The following SAMD8 variants were observed in gnomAD, a reference collection of about 807,000 sequenced individuals.
SAMD8 encodes sphingomyelin synthase-related protein 1.
A neutral mutation model predicts 42.0 loss-of-function variants in SAMD8; 20 were observed. That is an observed-to-expected ratio of 0.48 (90% CI 0.34 to 0.69). The LOEUF (loss-of-function observed/expected upper bound fraction) is 0.69. Among genes scored for constraint, SAMD8 ranks in the 30% least tolerant of loss-of-function variants. The probability of loss-of-function intolerance (pLI) is 0.01; values close to 1 mark genes in which losing one functional copy is unlikely to be tolerated. For synonymous variants in SAMD8, 162 were observed against 173.0 expected (o/e 0.94, Z 0.50); for missense variants, 328 against 511.6 (o/e 0.64, Z 3.46).
intron 4 of SAMD8, among the ~76,000 whole-genome samples, chr10:75,174,249 C>T (rs1277906469): frequency 2.0e-5 from 3 of 152,046 alleles, no homozygotes; most frequent in Non-Finnish European, 4.4e-5. Flanking sequence ...TCTGCCTCAG[C>T]CTCCCGAGTA....
Position 75,111,708 on chromosome 10 carries a change from A to G in SAMD8, c.-30A>G, listed in dbSNP as rs891987808. On this transcript the variant is annotated 5_prime_UTR_variant, in exon 1 of 6. Coordinates refer to ENST00000542569, the MANE Select transcript of SAMD8 (RefSeq NM_001174156.2). ...CTCGGAGGTGGGTCCGGGGAGCCCG[A>G]CTCGGACCGCGGAGGTGAGCGGGAG... is the stretch of plus-strand genomic sequence containing the variant. The G allele has an allele frequency of 1.0e-4, 127 of 1,234,120 alleles. No individual in the cohort carries two copies. Among genetic ancestry groups the G allele is most frequent in the South Asian group, 4.4e-4 (11 of 25,158 alleles). 76.4% of individuals were successfully genotyped at this position (1,234,120 alleles called of 1,614,324 possible). A position where few individuals can be genotyped will look rare whatever the true frequency, so the allele number is the denominator to read the frequency against.
chr10:75,121,184 C>T (rs1848997678), intron 1 of SAMD8, among the ~76,000 whole-genome samples: 1 of 152,128 alleles, frequency 6.6e-6, no homozygotes, highest in South Asian at 2.1e-4. Context: ...AGTAGGAATT[C>T]TCCTCATTTT....
chr10:75,125,363 A>C (rs1849107171), intron 1 of SAMD8: 1 of 152,350 alleles, frequency 6.6e-6, no homozygotes, highest in Non-Finnish European at 1.5e-5. Context: ...CTGTAATCCC[A>C]GCATTTTGGG....
rs1841002415 is a variant in SAMD8 at position 75,176,901 on chromosome 10, G to A, written c.*209G>A. 2.0e-6 allele frequency: 1 copy of A among 496,366 alleles called. No homozygotes were observed. Among genetic ancestry groups the A allele is most frequent in the Non-Finnish European group, 3.5e-6 (1 of 283,616 alleles). 30.7% of individuals were successfully genotyped at this position (496,366 alleles called of 1,614,324 possible). A position where few individuals can be genotyped will look rare whatever the true frequency, so the allele number is the denominator to read the frequency against. On this transcript the variant is annotated 3_prime_UTR_variant, in exon 6 of 6. Transcript: ENST00000542569. The surrounding 1 kb of genome is among the most constrained non-coding windows in gnomAD (Gnocchi z 4.3). Reference sequence around the variant, plus strand: ...GCTATTTGAACAGAAAGCTTAAGTAGATGTTTTCTGCCCCTTCTCTTTAGG... The same window carrying A: ...GCTATTTGAACAGAAAGCTTAAGTAAATGTTTTCTGCCCCTTCTCTTTAGG...
chr10:75,149,637 T>G (rs1241609521), intron 1 of SAMD8, among the ~76,000 whole-genome samples: 2 of 152,226 alleles, frequency 1.3e-5, no homozygotes, highest in African/African-American at 4.8e-5. Flanking sequence ...TACAGTTATC[T>G]ACTTTCCTTT....
At chr10:75,134,740 T>C (rs568358947) in intron 1 of SAMD8, among the ~76,000 whole-genome samples, 20 of 152,200 alleles carry the variant, frequency 1.3e-4, no homozygotes, top group Admixed American at 5.2e-4. Context: ...AGCTAGAAGA[T>C]TTTGAATGTT....
At chr10:75,167,864 A>G (rs1840728089) in intron 3 of SAMD8, among the ~76,000 whole-genome samples, 1 of 152,222 alleles carries the variant, frequency 6.6e-6, no homozygotes, top group East Asian at 1.9e-4. Context: ...AAGGGCTGCA[A>G]TTACAAGCAT....
In SAMD8 at chr10:75,164,628, A is replaced by T; in HGVS notation, c.579-17A>T. ...ATGTATACTTCTTCAATTCAAAATC[A>T]TTTTTTTCTGTTCCAGCGTTCCTAG... On this transcript the variant is annotated splice_polypyrimidine_tract_variant and intron_variant, in intron 2 of 5. Transcript: ENST00000542569. 2 of 1,611,302 alleles carry T rather than the reference A, an allele frequency of 1.2e-6. No homozygotes were observed. The highest frequency in any genetic ancestry group is 1.7e-6 in the Non-Finnish European group (2 of 1,177,948).
chr10:75,179,033 C>T lies in SAMD8; in HGVS notation c.*2341C>T, dbSNP rs558203115. 6.4e-4 allele frequency: 96 copies of T among 149,570 alleles called. No homozygotes were observed. The highest frequency in any genetic ancestry group is 8.7e-4 in the Admixed American group (13 of 14,988). The allele number at this position is 149,570 out of a possible 1,614,324, so 9.3% of individuals were successfully genotyped here. ...GACAGAGTGAGACTCCATCTCAAAA[C>T]GAAACAAAACAAAACAAAACAAATT... On this transcript the variant is annotated 3_prime_UTR_variant, in exon 6 of 6. Coordinates refer to ENST00000542569, the MANE Select transcript of SAMD8 (RefSeq NM_001174156.2).
chr10:75,112,135 C>G (rs1255084195), intron 1 of SAMD8, among the ~76,000 whole-genome samples: 1 of 152,132 alleles, frequency 6.6e-6, no homozygotes, highest in East Asian at 1.9e-4. Flanking sequence ...GTGTTCCCTT[C>G]CCAGGGCGAG....
chr10:75,169,936 AG>A (rs1473237709), intron 4 of SAMD8, among the ~76,000 whole-genome samples: 2 of 152,280 alleles, frequency 1.3e-5, no homozygotes, highest in Non-Finnish European at 2.9e-5. Flanking sequence ...ACAAACAAAA[AG>A]AAAGTTGCAG....
chr10:75,122,122 CTG>C (rs758292315), intron 1 of SAMD8, among the ~76,000 whole-genome samples: 26 of 151,950 alleles, frequency 1.7e-4, no homozygotes, highest in Non-Finnish European at 3.4e-4. Context: ...CCTTTTCTCT[CTG>C]ATTATAAGTA....
chr10:75,104,365 A>T (rs930405381), intron 1 of SAMD8, among the ~76,000 whole-genome samples: 1 of 152,192 alleles, frequency 6.6e-6, no homozygotes, highest in Non-Finnish European at 1.5e-5. Flanking sequence ...CACAGGCTGC[A>T]CACTGCATAA....
chr10:75,175,226 A>G (rs138828429), intron 4 of SAMD8, among the ~76,000 whole-genome samples: 104 of 152,372 alleles, frequency 6.8e-4, no homozygotes, highest in African/African-American at 2.4e-3. Flanking sequence ...TACAGAACTT[A>G]GTCACGTGGC....
intron 1 of SAMD8, among the ~76,000 whole-genome samples, chr10:75,119,627 C>T (rs1242289168): frequency 6.6e-6 from 1 of 152,190 alleles, no homozygotes; most frequent in African/African-American, 2.4e-5. Flanking sequence ...CACATGCACA[C>T]ACACGTGCGC....
At chr10:75,100,672 C>T (rs182336416) in intron 1 of SAMD8, among the ~76,000 whole-genome samples, 215 of 152,346 alleles carry the variant, frequency 1.4e-3, no homozygotes, top group Middle Eastern at 3.4e-3. Context: ...CTCCTCCTCG[C>T]CCCCTTCCTG....
At chr10:75,115,834 A>C (rs543627922) in intron 1 of SAMD8, among the ~76,000 whole-genome samples, 665 of 151,296 alleles carry the variant, frequency 4.4e-3, no homozygotes, top group Non-Finnish European at 5.8e-3. Context: ...CCAGCTACTC[A>C]GGAGGCTGAG....
intron 1 of SAMD8, among the ~76,000 whole-genome samples, chr10:75,114,546 C>A (rs1427273484): frequency 6.6e-6 from 1 of 152,108 alleles, no homozygotes; most frequent in East Asian, 1.9e-4. Context: ...TTTGCTGTTA[C>A]TGATTAAGAC....
chr10:75,141,034 G>A (rs1314105038), intron 1 of SAMD8, among the ~76,000 whole-genome samples: 2 of 151,972 alleles, frequency 1.3e-5, no homozygotes, highest in Non-Finnish European at 2.9e-5. Flanking sequence ...TTGATTGTTT[G>A]TTGCTAGTAT....
Sources: gnomAD v4.1 joint callset for allele counts (sites outside exome capture counted in the v4.1 genomes callset) on GRCh38, gnomAD v4.1.1 for gene constraint, Gnocchi (gnomAD v3.1) non-coding constraint, MANE v1.5 for transcripts, NCBI Gene and HGNC (gene_info 2026-07-23, HGNC 2026-07-21) for gene names.